REST: variants seen among roughly 807,000 people sequenced by gnomAD.
REST encodes the protein RE1-silencing transcription factor.
Under a neutral mutation model 30.4 loss-of-function variants are expected in REST, and 1 was observed. That is an observed-to-expected ratio of 0.03 (90% confidence interval 0.01 to 0.16). The LOEUF (loss-of-function observed/expected upper bound fraction) is 0.16, where lower values mean the gene tolerates loss of function less well. REST is among the 10% of genes least tolerant of loss of function. REST has a pLI of 1.00. For synonymous variants in REST, 504 were observed against 451.1 expected (o/e 1.12, Z -1.49); for missense variants, 1,259 against 1,329.5 (o/e 0.95, Z 0.82).
intron 2 of REST, among the ~76,000 whole-genome samples, chr4:56,913,944 A>T (rs188675416): frequency 2.0e-5 from 3 of 150,434 alleles, no homozygotes; most frequent in Non-Finnish European, 4.4e-5. Context: ...GCGCCTGGCC[A>T]GTTTTTTTTT....
chr4:56,910,192 T>C (rs1188654506), intron 1 of REST, among the ~76,000 whole-genome samples: 1 of 152,196 alleles, frequency 6.6e-6, no homozygotes, highest in Admixed American at 6.6e-5. Context: ...GGCTTGTGGA[T>C]TTCTGGGCTT....
At chr4:56,926,930 C>T (rs905345530) in intron 3 of REST, among the ~76,000 whole-genome samples, 3 of 151,796 alleles carry the variant, frequency 2.0e-5, no homozygotes, top group Non-Finnish European at 4.4e-5. Flanking sequence ...AATGCCGTCT[C>T]TACTAAAAAT....
chr4:56,919,775 G>T lies in REST; in HGVS notation c.899-12G>T. On this transcript the variant is annotated splice_polypyrimidine_tract_variant and intron_variant, in intron 2 of 3. Coordinates refer to ENST00000309042, the MANE Select transcript of REST (RefSeq NM_005612.5). ...GACATTTAAACACTCTTATATTATT[G>T]AAATTTTGCAGGAGAACGCCCATAT... 6.4e-7 allele frequency: 1 copy of T among 1,571,078 alleles called. No homozygotes were observed. Among genetic ancestry groups the T allele is most frequent in the Non-Finnish European group, 8.7e-7 (1 of 1,144,772 alleles).
chr4:56,912,151 T>C (rs917613334), intron 2 of REST, among the ~76,000 whole-genome samples: 9 of 152,164 alleles, frequency 5.9e-5, no homozygotes, highest in Admixed American at 2.6e-4. Flanking sequence ...AGTTCCTAAA[T>C]GGAACAACTT....
Position 56,930,831 on chromosome 4 carries a change from A to G in REST, c.1973A>G (p.Gln658Arg), listed in dbSNP as rs568791076. Residue 658 changes from glutamine to arginine, a missense_variant, in exon 4 of 4, where the codon CAG becomes CGG. Gln to Arg is a conservative substitution (Grantham distance 43). Around this residue, in one of 5 missense-constraint regions of REST, gnomAD observed 856 missense variants for 772.8 expected, o/e 1.11. Transcript: ENST00000309042. ...GAGCCTGTTCAGATGGAGGTGGTTC[A>G]GGAGGGGCCTGCTCAGAAGGAGCTG... ...PDEPVQMEVV[Q>R]EGPAQKELLP... 2 of 1,611,482 alleles carry G rather than the reference A, an allele frequency of 1.2e-6. No individual in the cohort carries two copies. Among genetic ancestry groups the G allele is most frequent in the South Asian group, 1.1e-5 (1 of 90,928 alleles).
intron 2 of REST, among the ~76,000 whole-genome samples, chr4:56,917,393 C>T (rs1007895994): frequency 6.6e-6 from 1 of 152,144 alleles, no homozygotes; most frequent in Non-Finnish European, 1.5e-5. Context: ...GGTGTGGTCA[C>T]GGCTCACTGA....
intron 3 of REST, among the ~76,000 whole-genome samples, chr4:56,923,377 C>T (rs1488322958): frequency 6.6e-6 from 1 of 152,206 alleles, no homozygotes; most frequent in Non-Finnish European, 1.5e-5. Flanking sequence ...AAGCCATCCT[C>T]TTGCCTCAGT....
rs762410337 is a variant in REST at position 56,930,768 on chromosome 4, C to T, written c.1910C>T (p.Ala637Val). 2 of 1,604,100 alleles carry T rather than the reference C, an allele frequency of 1.2e-6. No individual in the cohort carries two copies. The highest frequency in any genetic ancestry group is 1.3e-5 in the African/African-American group (1 of 74,276). ...GAGCCGCCACCTCCCATGGAGCATG[C>T]TCAGATGGAGGGTGCCCAGATACGG... ...QVEPPPPMEH[A>V]QMEGAQIRPA... is the part of the protein sequence containing the mutation. The change falls in exon 4 of 4, where the codon GCT becomes GTT. Residue 637 changes from alanine to valine, a missense_variant. Coordinates refer to ENST00000309042, the MANE Select transcript of REST (RefSeq NM_005612.5).
rs1392231613 is a variant in REST at position 56,935,316 on chromosome 4, C to T, written c.*3164C>T. 1 of 152,088 alleles carries T rather than the reference C, an allele frequency of 6.6e-6. No individual in the cohort carries two copies. Among genetic ancestry groups the T allele is most frequent in the African/African-American group, 2.4e-5 (1 of 41,410 alleles). The allele number at this position is 152,088 out of a possible 1,614,324, so 9.4% of individuals were successfully genotyped here. A position where few individuals can be genotyped will look rare whatever the true frequency, so the allele number is the denominator to read the frequency against. ...GTCAGAAAAACTTACAGCTGGTGTT[C>T]CTAGTTTCCTGGTTGACCTCAGCAG... On this transcript the variant is annotated 3_prime_UTR_variant, in exon 4 of 4. Transcript: ENST00000309042.
chr4:56,923,517 C>T (rs1374075435), intron 3 of REST, among the ~76,000 whole-genome samples: 19 of 152,098 alleles, frequency 1.2e-4, no homozygotes, highest in Non-Finnish European at 5.9e-5. Flanking sequence ...GATCTCGGCT[C>T]ACTGCAACTT....
rs1720908273 is a variant in REST at position 56,930,479 on chromosome 4, A to G, written c.1621A>G (p.Thr541Ala). 1.9e-6 allele frequency: 3 copies of G among 1,612,364 alleles called. No individual in the cohort carries two copies. The highest frequency in any genetic ancestry group is 2.5e-6 in the Non-Finnish European group (3 of 1,179,658). ...TCCTGTGAATGATGAGGAATCTTCAACAAAAAAGAAAAAGAAGGTAGAAAG... is the reference window on the plus strand; with the variant it reads ...TCCTGTGAATGATGAGGAATCTTCAGCAAAAAAGAAAAAGAAGGTAGAAAG... ...HGPVNDEESS[T>A]KKKKKVESKS... The change falls in exon 4 of 4, where the codon ACA becomes GCA. Residue 541 changes from threonine to alanine, a missense_variant. This residue lies in a region of REST where 856 missense variants were observed against 772.8 expected (regional missense o/e 1.11). Coordinates refer to ENST00000309042, the MANE Select transcript of REST (RefSeq NM_005612.5).
At chr4:56,918,671 C>T (rs547264802) in intron 2 of REST, among the ~76,000 whole-genome samples, 24 of 152,128 alleles carry the variant, frequency 1.6e-4, no homozygotes, top group Admixed American at 1.3e-3. Flanking sequence ...GATCCTCCCG[C>T]GTCAGCCTCC....
chr4:56,908,909 C>T (rs1005043555), intron 1 of REST: 6 of 151,594 alleles, frequency 4.0e-5, no homozygotes, highest in East Asian at 1.9e-4. Flanking sequence ...GTGGGGGCCC[C>T]CTCCGGCGCT....
Position 56,919,711 on chromosome 4 carries a change from T to C in REST, c.899-76T>C, listed in dbSNP as rs949922461. 8.0e-5 allele frequency: 68 copies of C among 849,050 alleles called. No homozygotes were observed. In the South Asian group the frequency reaches 1.2e-3, roughly 15 times the overall value. The allele number at this position is 849,050 out of a possible 1,614,324, so 52.6% of individuals were successfully genotyped here. ...TTAAAATGTGCTGAGCGCTGAACAT[T>C]GTTGCATTGTTAGTGAGAATTGTAT... On this transcript the variant is annotated intron_variant, in intron 2 of 3. Coordinates refer to ENST00000309042, the MANE Select transcript of REST (RefSeq NM_005612.5).
At chr4:56,910,273 G>T (rs1455845164) in intron 1 of REST, among the ~76,000 whole-genome samples, 1 of 152,140 alleles carries the variant, frequency 6.6e-6, no homozygotes, top group African/African-American at 2.4e-5. Context: ...CTCATGTTTT[G>T]AATTTTTAAA....
Position 56,911,163 on chromosome 4 carries a change from G to C in REST, c.525G>C (p.Val175=). Residue 175 remains valine, a synonymous_variant, in exon 2 of 4, where the codon GTG becomes GTC. Transcript: ENST00000309042. ...QYEAESEEQF[V]HHIRVHSAKK... ...AAGCAGAATCTGAAGAACAGTTTGT[G>C]CATCACATCAGAGTTCACAGTGCTA... 6.2e-7 allele frequency: 1 copy of C among 1,614,200 alleles called. No individual in the cohort carries two copies. Among genetic ancestry groups the C allele is most frequent in the Non-Finnish European group, 8.5e-7 (1 of 1,180,044 alleles).
intron 3 of REST, among the ~76,000 whole-genome samples, chr4:56,928,836 G>T (rs1261832078): frequency 1.3e-5 from 2 of 151,440 alleles, no homozygotes; most frequent in Non-Finnish European, 2.9e-5. Flanking sequence ...TGATCCACCT[G>T]CCTTGGCCTC....
chr4:56,930,865 C>T lies in REST; in HGVS notation c.2007C>T (p.Pro669=), dbSNP rs554213502. ...EGPAQKELLP[P]VEPAQMVGAQ... ...CTGCTCAGAAGGAGCTGCTGCCTCC[C>T]GTGGAGCCTGCTCAGATGGTGGGTG... is the stretch of plus-strand genomic sequence containing the variant. The change falls in exon 4 of 4, where the codon CCC becomes CCT. Residue 669 remains proline (P), a synonymous_variant. Transcript: ENST00000309042. 2.9e-5 allele frequency: 46 copies of T among 1,613,804 alleles called. No individual in the cohort carries two copies. Among genetic ancestry groups the T allele is most frequent in the East Asian group, 2.0e-4 (9 of 44,848 alleles).
In REST at chr4:56,911,046, A is replaced by T. The variant is rs145746519; in HGVS notation, c.408A>T (p.Ser136=). The part of the protein sequence containing the change: ...EASGAPDIYS[S]NKDLPPETPG... ...CAGGTGCTCCAGATATTTACAGTTC[A>T]AATAAAGATCTTCCCCCTGAAACAC... Residue 136 remains serine (S), a synonymous_variant, in exon 2 of 4, where the codon TCA becomes TCT. Transcript: ENST00000309042. 3.1e-6 allele frequency: 5 copies of T among 1,614,122 alleles called. No individual in the cohort carries two copies. Among genetic ancestry groups the T allele is most frequent in the Admixed American group, 1.7e-5 (1 of 60,002 alleles).
Sources: allele counts gnomAD v4.1 joint callset (sites outside exome capture counted in the v4.1 genomes callset), GRCh38; gene constraint gnomAD v4.1.1; regional missense constraint gnomAD v4.1.1; transcripts MANE v1.5; gene names NCBI Gene and HGNC (gene_info 2026-07-23, HGNC 2026-07-21).